Variants in ENOX1 observed in about 807,000 individuals in gnomAD.
The protein encoded by ENOX1 is ecto-NOX disulfide-thiol exchanger 1, also known as candidate growth-related and time keeping constitutive hydroquinone (NADH) oxidase.
Under a neutral mutation model 82.5 loss-of-function variants are expected in ENOX1, and 42 were observed. The observed-to-expected ratio is 0.51, with a 90% confidence interval of 0.40 to 0.66. The LOEUF (loss-of-function observed/expected upper bound fraction) is 0.66, where lower values mean the gene tolerates loss of function less well. Among genes scored for constraint, ENOX1 ranks in the 30% least tolerant of loss-of-function variants. The probability of loss-of-function intolerance (pLI) is 0.00; values close to 1 mark genes in which losing one functional copy is unlikely to be tolerated. For synonymous variants in ENOX1, 271 were observed against 282.2 expected (o/e 0.96, Z 0.40); for missense variants, 608 against 811.6 (o/e 0.75, Z 3.05).
At chr13:43,338,149 A>C (rs1229247324) in intron 9 of ENOX1, among the ~76,000 whole-genome samples, 2 of 152,170 alleles carry the variant, frequency 1.3e-5, no homozygotes, top group African/African-American at 4.8e-5. Flanking sequence ...TGTAATTGTT[A>C]AAAGGCATGC....
At chr13:43,384,187 C>A (rs538004820) in intron 5 of ENOX1, among the ~76,000 whole-genome samples, 1 of 152,316 alleles carries the variant, frequency 6.6e-6, no homozygotes, top group South Asian at 2.1e-4. Context: ...CTGGCACATA[C>A]ACAATAAATG....
intron 14 of ENOX1, among the ~76,000 whole-genome samples, chr13:43,244,292 T>TG (rs1288273753): frequency 1.2e-4 from 18 of 152,068 alleles, no homozygotes; most frequent in Non-Finnish European, 1.6e-4. Context: ...GAATAGATTG[T>TG]GGCATGATTA....
intron 1 of ENOX1, among the ~76,000 whole-genome samples, chr13:43,774,841 CTTTCT>C (rs1262428639): frequency 1.3e-5 from 2 of 152,110 alleles, no homozygotes; most frequent in African/African-American, 4.8e-5. Context: ...CACAAGCAAT[CTTTCT>C]TTTCTTTTTT....
chr13:43,262,495 T>G (rs2044130700), intron 14 of ENOX1, among the ~76,000 whole-genome samples: 1 of 152,212 alleles, frequency 6.6e-6, no homozygotes, highest in Non-Finnish European at 1.5e-5. Flanking sequence ...GCCTTAAAAT[T>G]CATCCTGCCA....
chr13:43,267,723 T>C (rs1285640321), intron 13 of ENOX1, among the ~76,000 whole-genome samples: 2 of 152,140 alleles, frequency 1.3e-5, no homozygotes, highest in Non-Finnish European at 2.9e-5. Flanking sequence ...ATGGCCCCTT[T>C]TGCAAGAACC....
chr13:43,631,975 G>GCATTCATCT (rs1329025175), intron 2 of ENOX1, among the ~76,000 whole-genome samples: 2 of 152,198 alleles, frequency 1.3e-5, no homozygotes, highest in Non-Finnish European at 2.9e-5. Flanking sequence ...CACAAAAGAA[G>GCATTCATCT]CATTCATCTG....
chr13:43,565,603 T>G (rs551395204), intron 2 of ENOX1, among the ~76,000 whole-genome samples: 66 of 152,238 alleles, frequency 4.3e-4, no homozygotes, highest in African/African-American at 1.5e-3. Flanking sequence ...CTTTAGAAAG[T>G]AGGGGATTTC....
chr13:43,468,957 C>T (rs755549754), intron 3 of ENOX1, among the ~76,000 whole-genome samples: 10 of 152,198 alleles, frequency 6.6e-5, no homozygotes, highest in African/African-American at 1.7e-4. Flanking sequence ...TGATTTTATA[C>T]GTTGCAACCT....
chr13:43,606,744 G>A (rs911413729), intron 2 of ENOX1, among the ~76,000 whole-genome samples: 1 of 152,080 alleles, frequency 6.6e-6, no homozygotes, highest in Non-Finnish European at 1.5e-5. Context: ...GGCAGGGCAT[G>A]GTGGCTCAGG....
intron 3 of ENOX1, among the ~76,000 whole-genome samples, chr13:43,455,029 C>T (rs1169744526): frequency 6.6e-6 from 1 of 151,962 alleles, no homozygotes; most frequent in Non-Finnish European, 1.5e-5. Flanking sequence ...TGTTGGAGCC[C>T]CCATTTCCTG....
intron 11 of ENOX1, among the ~76,000 whole-genome samples, chr13:43,299,791 A>G (rs2046471866): frequency 6.6e-6 from 1 of 152,182 alleles, no homozygotes; most frequent in South Asian, 2.1e-4. Flanking sequence ...AACTTCAAAC[A>G]TGTAACTTCC....
chr13:43,498,730 A>ATTTTG (rs2076878255), intron 2 of ENOX1, among the ~76,000 whole-genome samples: 1 of 152,136 alleles, frequency 6.6e-6, no homozygotes, highest in Non-Finnish European at 1.5e-5. Context: ...AGTGGCCAAA[A>ATTTTG]GCCACTCATT....
chr13:43,695,175 A>T lies in ENOX1; in HGVS notation c.-284-27631T>A, dbSNP rs78353310. Among the ~76,000 whole-genome samples the T allele has an allele frequency of 4.6e-5, 7 of 152,132 alleles. No individual in the cohort carries two copies. The East Asian group carries it at 7.7e-4, about 17-fold the overall frequency. On this transcript the variant is annotated intron_variant, in intron 1 of 16. Transcript: ENST00000690772. ...GCCCCGCAGAGTGATATGTTCACAAAGACACACCTGATGTGAACTGCATGC... is the reference window on the plus strand; with the variant it reads ...GCCCCGCAGAGTGATATGTTCACAATGACACACCTGATGTGAACTGCATGC...
chr13:43,379,255 T>C (rs1325426346), intron 5 of ENOX1, among the ~76,000 whole-genome samples: 2 of 151,878 alleles, frequency 1.3e-5, no homozygotes, highest in Non-Finnish European at 2.9e-5. Context: ...GTTATAGCAA[T>C]AGTAAAAAAT....
intron 9 of ENOX1, among the ~76,000 whole-genome samples, chr13:43,338,358 G>A (rs765228999): frequency 2.6e-5 from 4 of 152,130 alleles, no homozygotes; most frequent in Non-Finnish European, 5.9e-5. Context: ...CAACGTCTCC[G>A]AGTTGGAAAA....
At chr13:43,551,218 T>C (rs1566508743) in intron 2 of ENOX1, among the ~76,000 whole-genome samples, 2 of 152,210 alleles carry the variant, frequency 1.3e-5, no homozygotes, top group African/African-American at 2.4e-5. Flanking sequence ...CATTTGTCCA[T>C]GGTGAGGCTT....
chr13:43,240,223 A>G (rs760599338), intron 14 of ENOX1, among the ~76,000 whole-genome samples: 6 of 152,210 alleles, frequency 3.9e-5, no homozygotes, highest in Admixed American at 6.5e-5. Context: ...TATATACATC[A>G]CATGCCTACT....
At chr13:43,673,341 C>A (rs2085358036) in intron 1 of ENOX1, among the ~76,000 whole-genome samples, 1 of 152,154 alleles carries the variant, frequency 6.6e-6, no homozygotes, top group Non-Finnish European at 1.5e-5. Flanking sequence ...ATACGACTCA[C>A]CCAGAGGATC....
At chr13:43,564,454 A>C in intron 2 of ENOX1, among the ~76,000 whole-genome samples, 1 of 152,084 alleles carries the variant, frequency 6.6e-6, no homozygotes, top group South Asian at 2.1e-4. Context: ...GAAAAAAGAA[A>C]TGCAATGAGG....
Sources: allele counts gnomAD v4.1 joint callset (sites outside exome capture counted in the v4.1 genomes callset), GRCh38; gene constraint gnomAD v4.1.1; transcripts MANE v1.5; gene names NCBI Gene and HGNC (gene_info 2026-07-23, HGNC 2026-07-21).